SYT1: variants seen among roughly 807,000 people sequenced by gnomAD.
SYT1 encodes the protein synaptotagmin 1.
Under a neutral mutation model 44.8 loss-of-function variants are expected in SYT1, and 8 were observed. That is an observed-to-expected ratio of 0.18 (90% CI 0.10 to 0.32). The LOEUF (loss-of-function observed/expected upper bound fraction) is 0.32, where lower values mean the gene tolerates loss of function less well. SYT1 is among the 10% of genes least tolerant of loss of function. SYT1 has a pLI of 1.00. For synonymous variants in SYT1, 154 were observed against 188.8 expected, an observed-to-expected ratio of 0.82 and a Z score of 1.51; for missense variants, 286 against 509.3, an observed-to-expected ratio of 0.56 and a Z score of 4.22.
chr12:79,088,542 G>T (rs1156526542), intron 3 of SYT1, among the ~76,000 whole-genome samples: 1 of 151,812 alleles, frequency 6.6e-6, no homozygotes. Flanking sequence ...TGAAAGACTT[G>T]CTGGAGGAGG....
intron 2 of SYT1, among the ~76,000 whole-genome samples, chr12:79,011,091 G>T (rs1230190220): frequency 6.6e-6 from 1 of 152,086 alleles, no homozygotes; most frequent in Admixed American, 6.6e-5. Flanking sequence ...ATGGCTAAAA[G>T]GTTGCATTAG....
chr12:79,395,924 C>T (rs1176622858), intron 9 of SYT1, among the ~76,000 whole-genome samples: 1 of 152,120 alleles, frequency 6.6e-6, no homozygotes, highest in East Asian at 1.9e-4. Context: ...TTTAGGGAGA[C>T]ATCTTTATAG....
At position 79,119,891 on chromosome 12, in the gene SYT1, A is replaced by T. The variant is rs564254076; in HGVS notation, c.-18+72529A>T. Among the ~76,000 whole-genome samples the T allele has an allele frequency of 5.3e-5, 8 of 152,206 alleles. No homozygotes were observed. In the East Asian group the frequency reaches 1.5e-3, roughly 29 times the overall value. On this transcript the variant is annotated intron_variant, in intron 3 of 10. Transcript: ENST00000261205. ...TAATTAGGCATTCTCCAAGGCACAG[A>T]TGGGAAAAATATCATCTCCCTTCCT...
At chr12:79,117,340 C>T (rs1163728184) in intron 3 of SYT1, among the ~76,000 whole-genome samples, 2 of 151,980 alleles carry the variant, frequency 1.3e-5, no homozygotes, top group African/African-American at 4.8e-5. Context: ...ACCCACAATG[C>T]TCCGTGTTAA....
intron 4 of SYT1, among the ~76,000 whole-genome samples, chr12:79,234,790 A>T (rs1411689508): frequency 6.8e-6 from 1 of 147,600 alleles, no homozygotes; most frequent in Admixed American, 6.9e-5. Flanking sequence ...GGCTCACTGC[A>T]ACCTCCGCCT....
At chr12:79,366,507 T>C (rs955847335) in intron 9 of SYT1, among the ~76,000 whole-genome samples, 1 of 152,254 alleles carries the variant, frequency 6.6e-6, no homozygotes, top group Non-Finnish European at 1.5e-5. Context: ...CAAAGCCTAA[T>C]AATAAATACC....
chr12:79,195,508 G>GAA (rs5799418), intron 3 of SYT1, among the ~76,000 whole-genome samples: 4 of 129,406 alleles, frequency 3.1e-5, no homozygotes, highest in Non-Finnish European at 3.3e-5. Context: ...AGGTAACCCT[G>GAA]AAAAAAAAAA....
intron 2 of SYT1, among the ~76,000 whole-genome samples, chr12:79,029,820 G>A (rs1325272233): frequency 6.7e-6 from 1 of 150,184 alleles, no homozygotes; most frequent in Non-Finnish European, 1.5e-5. Flanking sequence ...CTCAAATGTA[G>A]AAAGAAAAGT....
chr12:79,313,773 G>A (rs571263096), intron 8 of SYT1, among the ~76,000 whole-genome samples: 1 of 152,154 alleles, frequency 6.6e-6, no homozygotes, highest in South Asian at 2.1e-4. Flanking sequence ...TTCATAAAAT[G>A]GGATTAGTAT....
At chr12:79,417,960 CAT>C (rs1045059338) in intron 9 of SYT1, among the ~76,000 whole-genome samples, 63 of 152,112 alleles carry the variant, frequency 4.1e-4, no homozygotes, top group African/African-American at 1.4e-3. Context: ...GCTGGGAACA[CAT>C]ATTGAAGACA....
chr12:79,444,931 TA>T (rs1870622879), intron 10 of SYT1, among the ~76,000 whole-genome samples: 1 of 152,164 alleles, frequency 6.6e-6, no homozygotes, highest in African/African-American at 2.4e-5. Context: ...TATAAGAATC[TA>T]AAGATAATAT....
chr12:79,221,258 G>A (rs1240834149), intron 4 of SYT1, among the ~76,000 whole-genome samples: 1 of 151,662 alleles, frequency 6.6e-6, no homozygotes, highest in African/African-American at 2.4e-5. Flanking sequence ...GCTCTCTTTT[G>A]GTTTCCATTT....
chr12:79,008,644 A>G (rs1871237296), intron 2 of SYT1, among the ~76,000 whole-genome samples: 1 of 152,090 alleles, frequency 6.6e-6, no homozygotes, highest in Non-Finnish European at 1.5e-5. Context: ...AGGTTATGAT[A>G]ATGTAGAGAG....
At chr12:79,004,303 T>C (rs1870937479) in intron 2 of SYT1, among the ~76,000 whole-genome samples, 1 of 151,968 alleles carries the variant, frequency 6.6e-6, no homozygotes, top group African/African-American at 2.4e-5. Context: ...AAAGTAATTA[T>C]AGCATGTAAC....
chr12:78,970,677 T>A (rs932778756), intron 1 of SYT1, among the ~76,000 whole-genome samples: 1 of 152,190 alleles, frequency 6.6e-6, no homozygotes, highest in Non-Finnish European at 1.5e-5. Flanking sequence ...TGATAAATAA[T>A]CTGCTACCAC....
intron 4 of SYT1, among the ~76,000 whole-genome samples, chr12:79,285,570 A>G (rs1349255738): frequency 4.6e-5 from 7 of 152,212 alleles, no homozygotes; most frequent in Non-Finnish European, 1.0e-4. Flanking sequence ...AGGAGATGAC[A>G]TTTGACATAT....
rs1213493237 is a variant in SYT1 at position 78,924,053 on chromosome 12, G to A, written c.-216-53746G>A. Among the ~76,000 whole-genome samples, 4 of 151,924 alleles carry A rather than the reference G, an allele frequency of 2.6e-5. No homozygotes were observed. The East Asian group carries it at 7.8e-4, about 29-fold the overall frequency. On this transcript the variant is annotated intron_variant, in intron 1 of 10. Coordinates refer to ENST00000261205, the MANE Select transcript of SYT1 (RefSeq NM_005639.3). ...GACATTTTCTAAATAATATAAGCCA[G>A]TTATTTTGTAAATAGTCTCTCAATT...
At chr12:79,034,376 T>C (rs760714691) in intron 2 of SYT1, among the ~76,000 whole-genome samples, 23 of 151,598 alleles carry the variant, frequency 1.5e-4, no homozygotes, top group Non-Finnish European at 2.7e-4. Flanking sequence ...ATGAAGGTAA[T>C]ATATCTAATA....
chr12:78,956,091 T>C (rs1411626837), intron 1 of SYT1, among the ~76,000 whole-genome samples: 2 of 152,014 alleles, frequency 1.3e-5, no homozygotes, highest in African/African-American at 2.4e-5. Flanking sequence ...ACTTCTCTAT[T>C]GAACACAGAT....
Sources: gnomAD v4.1 joint callset for allele counts (sites outside exome capture counted in the v4.1 genomes callset) on GRCh38, gnomAD v4.1.1 for gene constraint, MANE v1.5 for transcripts, NCBI Gene and HGNC (gene_info 2026-07-23, HGNC 2026-07-21) for gene names.